Variants in C11orf65 observed in about 807,000 individuals in gnomAD.
The protein encoded by C11orf65 is chromosome 11 open reading frame 65.
In C11orf65, 38 loss-of-function variants were observed where a neutral mutation model predicts 35.3. The ratio of observed to expected loss-of-function variants is 1.08; its 90% confidence interval spans 0.83 to 1.41. The LOEUF (loss-of-function observed/expected upper bound fraction) is 1.41, where lower values mean the gene tolerates loss of function less well. Among genes scored for constraint, C11orf65 ranks in the 40% most tolerant of loss-of-function variants. C11orf65 has a pLI of 0.00. For missense variants in C11orf65, 370 were observed against 367.1 expected (o/e 1.01, Z -0.06); for synonymous variants, 105 against 114.4 (o/e 0.92, Z 0.53).
At chr11:108,415,709 C>T (rs1399022957) in intron 3 of C11orf65, among the ~76,000 whole-genome samples, 1 of 152,156 alleles carries the variant, frequency 6.6e-6, no homozygotes, top group Non-Finnish European at 1.5e-5. Context: ...AACTTCAAGA[C>T]TTACCACGAA....
intron 6 of C11orf65, among the ~76,000 whole-genome samples, chr11:108,316,753 C>CAAAAAAAA (rs58165074): frequency 7.6e-4 from 55 of 72,392 alleles, no homozygotes; most frequent in African/African-American, 2.1e-3. Context: ...ACTAAAAATA[C>CAAAAAAAA]AAAAAAAAAA....
chr11:108,331,589 T>A (rs773681189), intron 3 of C11orf65: 2 of 1,553,198 alleles, frequency 1.3e-6, no homozygotes. Flanking sequence ...ACCACAATAA[T>A]TATTTTTATT....
At chr11:108,407,857 A>AAATTTCAAAACTT (rs2092572590) in intron 3 of C11orf65, among the ~76,000 whole-genome samples, 1 of 147,896 alleles carries the variant, frequency 6.8e-6, no homozygotes, top group African/African-American at 2.5e-5. Flanking sequence ...GCACGAACCC[A>AAATTTCAAAACTT]GGAGGCAGAG....
At chr11:108,413,540 T>C (rs188228268) in intron 3 of C11orf65, among the ~76,000 whole-genome samples, 1 of 152,376 alleles carries the variant, frequency 6.6e-6, no homozygotes, top group Non-Finnish European at 1.5e-5. Context: ...CTGATTGTGC[T>C]GGCTAGGACT....
Position 108,365,091 on chromosome 11 carries a change from T to C in C11orf65, c.226+28117A>G, listed in dbSNP as rs371619067. On this transcript the variant is annotated intron_variant, in intron 2 of 3. Coordinates refer to the C11orf65 transcript ENST00000524755. ...TGTTCTCTCTGTTTAGGTCCTTCTATATGATCCACTCTTTGACTGGACCAT... is the reference window on the plus strand; with the variant it reads ...TGTTCTCTCTGTTTAGGTCCTTCTACATGATCCACTCTTTGACTGGACCAT... 6 of 1,614,156 alleles carry C rather than the reference T, an allele frequency of 3.7e-6. No individual in the cohort carries two copies. Among genetic ancestry groups the C allele is most frequent in the Non-Finnish European group, 5.1e-6 (6 of 1,179,968 alleles).
chr11:108,341,659 GAATAT>G (rs748111452), intron 2 of C11orf65, among the ~76,000 whole-genome samples: 16 of 152,122 alleles, frequency 1.1e-4, no homozygotes, highest in African/African-American at 2.2e-4. Flanking sequence ...CTGAGAAAAC[GAATAT>G]AATAATGTTA....
At chr11:108,389,814 C>T (rs2138373285) in intron 7 of C11orf65, among the ~76,000 whole-genome samples, 1 of 151,688 alleles carries the variant, frequency 6.6e-6, no homozygotes, top group East Asian at 2.0e-4. Context: ...CCTGCCTCGG[C>T]CTCCCAAGTA....
chr11:108,396,963 T>A (rs924777580), intron 6 of C11orf65, among the ~76,000 whole-genome samples: 1 of 151,876 alleles, frequency 6.6e-6, no homozygotes, highest in Non-Finnish European at 1.5e-5. Flanking sequence ...AATATAGTGA[T>A]CAGAAATAAA....
chr11:108,354,727 C>G (rs2089670262), intron 2 of C11orf65: 3 of 1,187,400 alleles, frequency 2.5e-6, no homozygotes, highest in African/African-American at 3.0e-5. Flanking sequence ...GCTCAGCATA[C>G]TACACATGAG....
intron 6 of C11orf65, among the ~76,000 whole-genome samples, chr11:108,316,989 A>G (rs908396177): frequency 2.0e-5 from 3 of 151,454 alleles, no homozygotes; most frequent in Non-Finnish European, 4.4e-5. Flanking sequence ...GCTGGAGTGC[A>G]TTAGCGTGAT....
In C11orf65 at chr11:108,442,493, C is replaced by T. The variant is rs185131706; in HGVS notation, c.82-10655G>A. ...CAGAGAATGCCACAAAGATACTCCT[C>T]GAGAAGAGCAATCCCAAGACACATA... On this transcript the variant is annotated intron_variant, in intron 2 of 8. Coordinates refer to ENST00000393084, the MANE Select transcript of C11orf65 (RefSeq NM_152587.5). Among the ~76,000 whole-genome samples the T allele has an allele frequency of 7.2e-4, 110 of 152,100 alleles. No individual in the cohort carries two copies. The East Asian group carries it at 0.018, about 25-fold the overall frequency.
intron 2 of C11orf65, among the ~76,000 whole-genome samples, chr11:108,460,143 T>C (rs1214847601): frequency 6.6e-6 from 1 of 152,084 alleles, no homozygotes; most frequent in Non-Finnish European, 1.5e-5. Flanking sequence ...GAAATCAACA[T>C]AGTTATACCC....
At chr11:108,355,676 T>A (rs2089819423) in intron 2 of C11orf65, 1 of 152,248 alleles carries the variant, frequency 6.6e-6, no homozygotes, top group Non-Finnish European at 1.5e-5. Flanking sequence ...TTACTTTTAC[T>A]GCATTTAAAA....
intron 3 of C11orf65, among the ~76,000 whole-genome samples, chr11:108,421,454 G>A (rs773482472): frequency 2.0e-4 from 30 of 152,078 alleles, no homozygotes; most frequent in Non-Finnish European, 7.4e-5. Context: ...TCAGGAGTTC[G>A]AGACCAGCCT....
intron 2 of C11orf65, among the ~76,000 whole-genome samples, chr11:108,344,503 G>A (rs2088031826): frequency 6.6e-6 from 1 of 152,112 alleles, no homozygotes; most frequent in Non-Finnish European, 1.5e-5. Flanking sequence ...TTATGCTATA[G>A]GCCTCATAAG....
intron 6 of C11orf65, among the ~76,000 whole-genome samples, chr11:108,317,895 G>A (rs1051518240): frequency 5.3e-5 from 8 of 151,520 alleles, no homozygotes; most frequent in African/African-American, 1.9e-4. Context: ...AAGGGTTTTC[G>A]AAATGAGTAT....
At position 108,365,364 on chromosome 11, in the gene C11orf65, C is replaced by G. The variant is rs1200351979; in HGVS notation, c.226+27844G>C. 1.2e-6 allele frequency: 2 copies of G among 1,614,146 alleles called. No homozygotes were observed. Among genetic ancestry groups the G allele is most frequent in the Non-Finnish European group, 1.7e-6 (2 of 1,180,036 alleles). ...GTTTCAACAAAGTAGCTGAACGTGTCTTAATGAGACTACAAGAGAAACTGA... is the reference window on the plus strand; with the variant it reads ...GTTTCAACAAAGTAGCTGAACGTGTGTTAATGAGACTACAAGAGAAACTGA... On this transcript the variant is annotated intron_variant, in intron 2 of 3. Transcript: ENST00000524755.
intron 6 of C11orf65, among the ~76,000 whole-genome samples, chr11:108,395,326 A>G: frequency 6.6e-6 from 1 of 150,892 alleles, no homozygotes. Context: ...ACCTGTCTCT[A>G]CAATTTTTTT....
intron 2 of C11orf65, among the ~76,000 whole-genome samples, chr11:108,436,085 G>T (rs2093055668): frequency 6.6e-6 from 1 of 151,382 alleles, no homozygotes; most frequent in South Asian, 2.1e-4. Flanking sequence ...ATAGACAGGG[G>T]TTGCTCCAGG....
Sources: gnomAD v4.1 joint callset for allele counts (sites outside exome capture counted in the v4.1 genomes callset) on GRCh38, gnomAD v4.1.1 for gene constraint, MANE v1.5 for transcripts, NCBI Gene and HGNC (gene_info 2026-07-23, HGNC 2026-07-21) for gene names.